Variants in PSMD14 observed in about 807,000 individuals in gnomAD.
PSMD14 encodes ubiquitin C-terminal hydrolase PSMD14.
In PSMD14, 7 loss-of-function variants were observed where a neutral mutation model predicts 41.2. The ratio of observed to expected loss-of-function variants is 0.17; its 90% CI spans 0.10 to 0.32. PSMD14 has a LOEUF of 0.32. Among genes scored for constraint, PSMD14 ranks in the 10% least tolerant of loss-of-function variants. The pLI, the probability that PSMD14 is intolerant of heterozygous loss-of-function variation, is 1.00. For missense variants in PSMD14, 139 were observed against 375.6 expected, an observed-to-expected ratio of 0.37 and a Z score of 5.21; for synonymous variants, 114 against 122.3, an observed-to-expected ratio of 0.93 and a Z score of 0.45.
intron 7 of PSMD14, chr2:161,382,416 C>G (rs1559051394): frequency 6.6e-6 from 1 of 151,682 alleles, no homozygotes. Flanking sequence ...ATTTAACAAG[C>G]CTGAGAAATT....
At chr2:161,338,032 A>G (rs978576826) in intron 3 of PSMD14, among the ~76,000 whole-genome samples, 3 of 152,240 alleles carry the variant, frequency 2.0e-5, no homozygotes, top group African/African-American at 7.2e-5. Context: ...TGTTACAAGA[A>G]TAAAAAATGA....
chr2:161,320,046 C>G (rs1333618750), intron 3 of PSMD14, among the ~76,000 whole-genome samples: 1 of 152,114 alleles, frequency 6.6e-6, no homozygotes, highest in Non-Finnish European at 1.5e-5. Flanking sequence ...TGAACTTGAT[C>G]CTGAACCTGT....
At chr2:161,331,398 G>T (rs2105236701) in intron 3 of PSMD14, among the ~76,000 whole-genome samples, 1 of 152,188 alleles carries the variant, frequency 6.6e-6, no homozygotes, top group Non-Finnish European at 1.5e-5. Context: ...GAGTAGCTGG[G>T]ACTACAGGCA....
At chr2:161,341,934 C>T (rs1682969122) in intron 3 of PSMD14, among the ~76,000 whole-genome samples, 1 of 151,258 alleles carries the variant, frequency 6.6e-6, no homozygotes, top group South Asian at 2.1e-4. Flanking sequence ...AGAAATCTCT[C>T]CTAACCCAAT....
chr2:161,338,552 A>G (rs1301891120), intron 3 of PSMD14, among the ~76,000 whole-genome samples: 1 of 152,212 alleles, frequency 6.6e-6, no homozygotes, highest in African/African-American at 2.4e-5. Context: ...CACAAGAGGA[A>G]GTACTAAAAA....
chr2:161,338,261 T>C (rs1279396005), intron 3 of PSMD14, among the ~76,000 whole-genome samples: 1 of 151,976 alleles, frequency 6.6e-6, no homozygotes, highest in Non-Finnish European at 1.5e-5. Flanking sequence ...GTTCTGAAAC[T>C]GCGTTTGTGT....
At chr2:161,377,196 G>T (rs1683515354) in intron 7 of PSMD14, among the ~76,000 whole-genome samples, 1 of 151,862 alleles carries the variant, frequency 6.6e-6, no homozygotes, top group Non-Finnish European at 1.5e-5. Context: ...TATCAGCTAG[G>T]GCTGGGTAGT....
intron 5 of PSMD14, 145 bp from the exon 6 acceptor site, chr2:161,369,962 G>C: frequency 1.8e-6 from 1 of 569,162 alleles, no homozygotes; most frequent in East Asian, 3.1e-5. Flanking sequence ...ATTGGTATGA[G>C]GTTTATAATT....
At chr2:161,409,439 CTG>C (rs1351041271) in intron 11 of PSMD14, 2 of 152,200 alleles carry the variant, frequency 1.3e-5, no homozygotes, top group Non-Finnish European at 2.9e-5. Flanking sequence ...ATTAATTAGA[CTG>C]TTTTTTAAAG....
chr2:161,329,870 T>C (rs886637688), intron 3 of PSMD14, among the ~76,000 whole-genome samples: 2 of 152,184 alleles, frequency 1.3e-5, no homozygotes, highest in African/African-American at 4.8e-5. Context: ...AGTGTGATTA[T>C]TCTGAATACG....
intron 4 of PSMD14, 56 bp from the exon 5 acceptor site, chr2:161,367,728 A>G (rs2105256235): frequency 1.3e-6 from 2 of 1,569,630 alleles, no homozygotes; most frequent in Non-Finnish European, 1.7e-6. Context: ...TTTATAAAGA[A>G]GAACCAGAGA....
intron 3 of PSMD14, among the ~76,000 whole-genome samples, chr2:161,348,201 A>G (rs1385386381): frequency 1.3e-5 from 2 of 152,340 alleles, no homozygotes; most frequent in Admixed American, 6.5e-5. Flanking sequence ...CGTCTCCCAC[A>G]TGGATACTGG....
intron 3 of PSMD14, among the ~76,000 whole-genome samples, chr2:161,349,406 G>A (rs1189623962): frequency 1.3e-5 from 2 of 152,198 alleles, no homozygotes; most frequent in Non-Finnish European, 2.9e-5. Context: ...GGGTGAGATA[G>A]TGAGTCAAAA....
chr2:161,311,296 G>A (rs1574110438), intron 1 of PSMD14, among the ~76,000 whole-genome samples: 1 of 151,746 alleles, frequency 6.6e-6, no homozygotes, highest in Non-Finnish European at 1.5e-5. Context: ...GCAACAGAGC[G>A]AGACTCTGTC....
chr2:161,377,839 C>T (rs1683522381), intron 7 of PSMD14, among the ~76,000 whole-genome samples: 1 of 151,644 alleles, frequency 6.6e-6, no homozygotes, highest in South Asian at 2.1e-4. Flanking sequence ...TCTAATTATC[C>T]CTGGTCATTG....
intron 7 of PSMD14, among the ~76,000 whole-genome samples, chr2:161,373,478 C>T (rs1473276891): frequency 2.0e-5 from 3 of 151,822 alleles, no homozygotes; most frequent in African/African-American, 7.2e-5. Context: ...GTGTCAAGTC[C>T]TCTCATCTCT....
intron 3 of PSMD14, among the ~76,000 whole-genome samples, chr2:161,329,822 C>A (rs948427333): frequency 5.9e-5 from 9 of 152,094 alleles, no homozygotes; most frequent in Admixed American, 5.9e-4. Context: ...AGGTCAAAAG[C>A]AAGCTAATTA....
At chr2:161,375,933 A>G (rs1559050136) in intron 7 of PSMD14, among the ~76,000 whole-genome samples, 1 of 151,834 alleles carries the variant, frequency 6.6e-6, no homozygotes, top group Non-Finnish European at 1.5e-5. Context: ...CTTTATTTTC[A>G]GATATCTAGA....
chr2:161,408,288 G>C (rs1381067875), intron 10 of PSMD14: 4 of 153,108 alleles, frequency 2.6e-5, no homozygotes, highest in African/African-American at 9.6e-5. Context: ...GAGATGTAAA[G>C]ATGTGAAATT....
Sources: gnomAD v4.1 joint callset for allele counts (sites outside exome capture counted in the v4.1 genomes callset) on GRCh38, gnomAD v4.1.1 for gene constraint, MANE v1.5 for transcripts, NCBI Gene and HGNC (gene_info 2026-07-23, HGNC 2026-07-21) for gene names.